The following HAUS7 variants were observed in gnomAD, a reference collection of about 807,000 sequenced individuals.
The protein encoded by HAUS7 is HAUS augmin like complex subunit 7.
HAUS7 carries 3 observed loss-of-function variants against 28.4 expected under a neutral mutation model. The observed-to-expected ratio is 0.11, with a 90% CI of 0.05 to 0.27. HAUS7 has a LOEUF of 0.27. Among genes scored for constraint, HAUS7 ranks in the 10% least tolerant of loss-of-function variants. HAUS7 has a pLI of 1.00. For synonymous variants in HAUS7, 165 were observed against 132.1 expected (o/e 1.25, Z -1.71); for missense variants, 284 against 297.3 (o/e 0.96, Z 0.33).
chrX:153,482,033 G>C (rs1355740335), intron 1 of HAUS7: 5 of 356,691 alleles, frequency 1.4e-5, no homozygotes, highest in African/African-American at 1.4e-4. Flanking sequence ...AGCTGCTTAG[G>C]GGGTAAGGCC....
intron 1 of HAUS7, among the ~76,000 whole-genome samples, chrX:153,490,175 G>A (rs782522393): frequency 3.7e-4 from 42 of 112,475 alleles, no homozygotes; most frequent in Non-Finnish European, 7.5e-4. Flanking sequence ...TCTGGCTCCC[G>A]GACTTCGGCT....
In HAUS7 at chrX:153,454,523, AG is replaced by A; in HGVS notation, c.931-16del. 1 of 70,349 alleles carries A rather than the reference AG, an allele frequency of 1.4e-5. No homozygotes were observed. The highest frequency in any genetic ancestry group is 1.1e-4 in the South Asian group (1 of 8,766). The allele number at this position is 70,349 out of a possible 1,213,427, so 5.8% of individuals were successfully genotyped here. A position where few individuals can be genotyped will look rare whatever the true frequency, so the allele number is the denominator to read the frequency against. On this transcript the variant is annotated splice_polypyrimidine_tract_variant and intron_variant, in intron 8 of 9. Transcript: ENST00000370211. The stretch of plus-strand genomic sequence containing the variant: ...ACTTGCAGCAGCTGGGGAGGGAGGG[AG>A]GGAGGGAGGGAGGGAGGGAGGGAGC...
At chrX:153,470,591 C>G (rs782506267), upstream of HAUS7, 1 of 1,200,618 alleles carries the variant, frequency 8.3e-7, no homozygotes, top group Middle Eastern at 2.5e-4. Flanking sequence ...CGCCCATGCC[C>G]TGGCTTCACT....
intron 7 of HAUS7, 97 bp downstream of exon 7, chrX:153,456,168 T>C (rs41299116): frequency 0.035 from 22,700 of 645,492 alleles, 2,197 homozygotes; most frequent in African/African-American, 0.35. Context: ...TCAGGCCCGG[T>C]GCACAGGCAA....
rs138781783 is a variant in HAUS7, at chrX:153,456,277, C to T, written c.693G>A (p.Ala231=). The T allele has an allele frequency of 7.0e-5, 84 of 1,205,161 alleles. No homozygotes were observed. In the African/African-American group the frequency reaches 8.0e-4, roughly 11 times the overall value. ...QLQESAAKLH[A]LRTEYFAQHE... ...CTAGCACCCTCACCTCCGTTCTAAGCGCGTGCAACTTGGCAGCACTCTCCT... is the reference window on the plus strand; with the variant it reads ...CTAGCACCCTCACCTCCGTTCTAAGTGCGTGCAACTTGGCAGCACTCTCCT... Residue 231 remains alanine, a synonymous_variant, in exon 7 of 10, where the codon GCG becomes GCA. Coordinates refer to ENST00000370211, the MANE Select transcript of HAUS7 (RefSeq NM_001385482.1).
At chrX:153,482,547 C>A in intron 1 of HAUS7, 1 of 735,537 alleles carries the variant, frequency 1.4e-6, no homozygotes, top group Non-Finnish European at 1.6e-6. Flanking sequence ...AGGGGTGGGT[C>A]TGCCCTCTAG....
At chrX:153,486,193 T>A in intron 1 of HAUS7, 1 of 613,914 alleles carries the variant, frequency 1.6e-6, no homozygotes, top group Non-Finnish European at 2.2e-6. Flanking sequence ...CAGGAGGCCC[T>A]GCCTTCTGGC....
At chrX:153,469,303 G>C in intron 1 of HAUS7, 42 bp from the exon 2 acceptor site, 1 of 591,408 alleles carries the variant, frequency 1.7e-6, no homozygotes. Flanking sequence ...GAAAGTCCCA[G>C]TGTACATCAT....
At chrX:153,480,413 T>A (rs1469734558) in intron 1 of HAUS7, among the ~76,000 whole-genome samples, 1 of 111,088 alleles carries the variant, frequency 9.0e-6, no homozygotes, top group Non-Finnish European at 1.9e-5. Context: ...GGCCTGCTGC[T>A]GACGGTGGGG....
At chrX:153,464,234 G>T (rs980696953) in intron 3 of HAUS7, among the ~76,000 whole-genome samples, 3 of 112,593 alleles carry the variant, frequency 2.7e-5, no homozygotes, top group Admixed American at 9.3e-5. Flanking sequence ...GCTGGGTCGG[G>T]TCACACATGT....
chrX:153,470,393 T>TCGGG, intron 1 of HAUS7, 57 bp downstream of exon 1: 1 of 1,157,706 alleles, frequency 8.6e-7, no homozygotes. Flanking sequence ...CTCCCGGGCC[T>TCGGG]CGGGCGGGGC....
chrX:153,461,847 G>C (rs1052737691), intron 4 of HAUS7: 18 of 303,027 alleles, frequency 5.9e-5, no homozygotes, highest in Non-Finnish European at 8.6e-5. Flanking sequence ...GAAAAGTTAA[G>C]CACAGAGTGA....
intron 9 of HAUS7, among the ~76,000 whole-genome samples, chrX:153,453,337 CAGAT>C: frequency 9.0e-6 from 1 of 111,547 alleles, no homozygotes; most frequent in African/African-American, 3.3e-5. Flanking sequence ...GTTCTGGACT[CAGAT>C]AGTGATAAGA....
intron 3 of HAUS7, among the ~76,000 whole-genome samples, chrX:153,464,071 A>C (rs183069040): frequency 8.9e-6 from 1 of 112,446 alleles, no homozygotes; most frequent in African/African-American, 3.2e-5. Flanking sequence ...TTCCTGAACT[A>C]TCCTCACACC....
intron 1 of HAUS7, among the ~76,000 whole-genome samples, chrX:153,490,323 A>T (rs1556989386): frequency 8.9e-6 from 1 of 112,714 alleles, no homozygotes; most frequent in Non-Finnish European, 1.9e-5. Context: ...GAGGGGAGAG[A>T]TGCTGTGTGA....
intron 1 of HAUS7, 108 bp downstream of exon 1, chrX:153,470,342 C>A (rs2089505030): frequency 1.3e-6 from 1 of 793,833 alleles, no homozygotes; most frequent in South Asian, 2.4e-5. Flanking sequence ...CCGGAACCGG[C>A]GACGGTGGCC....
intron 1 of HAUS7, chrX:153,486,140 C>T: frequency 1.8e-5 from 15 of 845,468 alleles, no homozygotes; most frequent in Non-Finnish European, 2.3e-5. Context: ...CCGTCTCCAC[C>T]CCCGCACCCT....
At chrX:153,465,544 T>C (rs1202731739) in intron 2 of HAUS7, among the ~76,000 whole-genome samples, 1 of 112,072 alleles carries the variant, frequency 8.9e-6, no homozygotes, top group Non-Finnish European at 1.9e-5. Context: ...CATTCAGTCA[T>C]GTGGGGGCTC....
At chrX:153,481,399 C>A in intron 1 of HAUS7, 2 of 754,933 alleles carry the variant, frequency 2.6e-6, no homozygotes, top group South Asian at 1.3e-4. Context: ...CCGGCGCCCA[C>A]AGAAGGACCG....
Sources: allele counts gnomAD v4.1 joint callset (sites outside exome capture counted in the v4.1 genomes callset), GRCh38; gene constraint gnomAD v4.1.1; transcripts MANE v1.5; gene names NCBI Gene and HGNC (gene_info 2026-07-23, HGNC 2026-07-21).